Variants in CNTNAP2 observed in about 807,000 individuals in gnomAD.
CNTNAP2 encodes contactin-associated protein-like 2.
CNTNAP2 carries 98 observed loss-of-function variants against 155.2 expected under a neutral mutation model. The observed-to-expected ratio is 0.63, with a 90% CI of 0.54 to 0.75. CNTNAP2 has a LOEUF of 0.75. Ranked by LOEUF, CNTNAP2 falls within the 30% of genes least tolerant of loss-of-function variation. The probability of loss-of-function intolerance (pLI) is 0.00; values close to 1 mark genes in which losing one functional copy is unlikely to be tolerated. For missense variants in CNTNAP2, 1,727 were observed against 1,688.1 expected, an observed-to-expected ratio of 1.02 and a Z score of -0.40; for synonymous variants, 651 against 631.2, an observed-to-expected ratio of 1.03 and a Z score of -0.47.
intron 1 of CNTNAP2, among the ~76,000 whole-genome samples, chr7:146,435,933 A>C (rs1796236932): frequency 6.6e-6 from 1 of 152,152 alleles, no homozygotes; most frequent in Non-Finnish European, 1.5e-5. Flanking sequence ...CATACTTGGT[A>C]AATGATATGC....
chr7:146,859,729 C>T (rs1323400321), intron 3 of CNTNAP2, among the ~76,000 whole-genome samples: 1 of 151,962 alleles, frequency 6.6e-6, no homozygotes, highest in Non-Finnish European at 1.5e-5. Flanking sequence ...TTAATTCCAC[C>T]TCCAACCCAA....
chr7:146,850,165 G>T (rs1052772141), intron 3 of CNTNAP2, among the ~76,000 whole-genome samples: 1 of 152,166 alleles, frequency 6.6e-6, no homozygotes, highest in Non-Finnish European at 1.5e-5. Flanking sequence ...CTGTCTGAAA[G>T]GTTCATTCAC....
At chr7:147,429,628 ATCT>A (rs1283577452) in intron 10 of CNTNAP2, among the ~76,000 whole-genome samples, 8 of 151,958 alleles carry the variant, frequency 5.3e-5, no homozygotes, top group South Asian at 2.1e-4. Context: ...CTTGGTCATG[ATCT>A]TTTTGCCTAA....
chr7:147,072,529 C>T (rs943857364), intron 4 of CNTNAP2, among the ~76,000 whole-genome samples: 12 of 152,112 alleles, frequency 7.9e-5, no homozygotes, highest in Non-Finnish European at 1.8e-4. Flanking sequence ...GATATGACTG[C>T]AGTGCCAGGG....
chr7:147,175,643 A>G (rs1802324204), intron 8 of CNTNAP2, among the ~76,000 whole-genome samples: 2 of 152,142 alleles, frequency 1.3e-5, no homozygotes, highest in African/African-American at 4.8e-5. Context: ...CCTGAGGTCC[A>G]CCCACAGCAT....
At chr7:148,348,414 A>G (rs1798363494) in intron 21 of CNTNAP2, among the ~76,000 whole-genome samples, 1 of 152,206 alleles carries the variant, frequency 6.6e-6, no homozygotes, top group African/African-American at 2.4e-5. Flanking sequence ...ATATTGCCCA[A>G]TAACCCATCA....
chr7:147,545,834 G>T (rs890735451), intron 11 of CNTNAP2, among the ~76,000 whole-genome samples: 8 of 152,164 alleles, frequency 5.3e-5, no homozygotes, highest in Admixed American at 1.3e-4. Context: ...CCCACGTGTT[G>T]TAGAGGGACC....
At chr7:147,116,757 G>C (rs576348103) in intron 5 of CNTNAP2, among the ~76,000 whole-genome samples, 164 of 152,262 alleles carry the variant, frequency 1.1e-3, no homozygotes, top group African/African-American at 3.7e-3. Flanking sequence ...TGTCATGCAG[G>C]CAGGTGTGGT....
intron 21 of CNTNAP2, among the ~76,000 whole-genome samples, chr7:148,371,870 C>A (rs1245162257): frequency 6.6e-6 from 1 of 152,120 alleles, no homozygotes; most frequent in Non-Finnish European, 1.5e-5. Flanking sequence ...TATTTGTTCA[C>A]TAAACATAGA....
chr7:146,969,601 A>T lies in CNTNAP2; in HGVS notation c.403-74306A>T, dbSNP rs562735121. Among the ~76,000 whole-genome samples the T allele has an allele frequency of 2.6e-5, 4 of 152,066 alleles. No homozygotes were observed. The South Asian group carries it at 8.3e-4, about 32-fold the overall frequency. On this transcript the variant is annotated intron_variant, in intron 3 of 23. Transcript: ENST00000361727. ...TGTCTCTTTTGATTTTTGTTGGTTT[A>T]AAGTCTGTTTTATCAGAGACTAGGA...
intron 13 of CNTNAP2, among the ~76,000 whole-genome samples, chr7:147,828,740 G>A (rs748210063): frequency 1.1e-4 from 16 of 152,056 alleles, no homozygotes; most frequent in African/African-American, 2.4e-4. Context: ...AGTCTAGTGC[G>A]TATTTTGTGA....
At chr7:146,166,546 A>G (rs1307030930) in intron 1 of CNTNAP2, among the ~76,000 whole-genome samples, 1 of 152,218 alleles carries the variant, frequency 6.6e-6, no homozygotes, top group Non-Finnish European at 1.5e-5. Flanking sequence ...ACTTACTTAA[A>G]TGATAATGCA....
chr7:146,435,564 A>G lies in CNTNAP2; in HGVS notation c.97+318591A>G, dbSNP rs1796231366. Among the ~76,000 whole-genome samples, 13 of 152,318 alleles carry G rather than the reference A, an allele frequency of 8.5e-5. 2 individuals carry two copies. The South Asian group carries it at 2.7e-3, about 32-fold the overall frequency. ...TAAACATCTCTAGTAGAATTTTAAA[A>G]TCTCAGTTCCTTGTACATAAAGGGT... On this transcript the variant is annotated intron_variant, in intron 1 of 23. Coordinates refer to ENST00000361727, the MANE Select transcript of CNTNAP2 (RefSeq NM_014141.6).
chr7:146,794,981 A>G (rs1482623003), intron 2 of CNTNAP2, among the ~76,000 whole-genome samples: 1 of 152,226 alleles, frequency 6.6e-6, no homozygotes, highest in Non-Finnish European at 1.5e-5. Flanking sequence ...CTGCAGCTTC[A>G]TATGCTATAG....
At chr7:146,768,084 A>G (rs1294928667) in intron 1 of CNTNAP2, among the ~76,000 whole-genome samples, 6 of 152,124 alleles carry the variant, frequency 3.9e-5, no homozygotes, top group Admixed American at 3.9e-4. Flanking sequence ...TATTAAAGAA[A>G]AATGTGATAT....
chr7:146,919,177 T>C (rs1355795432), intron 3 of CNTNAP2, among the ~76,000 whole-genome samples: 3 of 152,248 alleles, frequency 2.0e-5, no homozygotes. Flanking sequence ...CTGAATGGTT[T>C]TTCTGGCAAT....
intron 4 of CNTNAP2, among the ~76,000 whole-genome samples, chr7:147,064,221 T>C (rs921692997): frequency 7.2e-6 from 1 of 138,310 alleles, no homozygotes; most frequent in African/African-American, 3.1e-5. Context: ...AGAAATAGTG[T>C]ATTGAGTGAG....
intron 1 of CNTNAP2, among the ~76,000 whole-genome samples, chr7:146,689,522 C>T (rs749211229): frequency 6.6e-6 from 1 of 151,984 alleles, no homozygotes; most frequent in Non-Finnish European, 1.5e-5. Context: ...AGGCCACCAA[C>T]GTCCTTGAGA....
chr7:148,026,584 T>G (rs1015498876), intron 15 of CNTNAP2, among the ~76,000 whole-genome samples: 2 of 152,186 alleles, frequency 1.3e-5, no homozygotes, highest in African/African-American at 4.8e-5. Flanking sequence ...GTAAGTCAGA[T>G]TCTTGATTTG....
Sources: gnomAD v4.1 joint callset for allele counts (sites outside exome capture counted in the v4.1 genomes callset) on GRCh38, gnomAD v4.1.1 for gene constraint, MANE v1.5 for transcripts, NCBI Gene and HGNC (gene_info 2026-07-23, HGNC 2026-07-21) for gene names.